Variants in HPN observed in about 807,000 individuals in gnomAD.
HPN encodes hepsin.
In HPN, 13 loss-of-function variants were observed where a neutral mutation model predicts 55.9. That is an observed-to-expected ratio of 0.23 (90% CI 0.15 to 0.37). The LOEUF is 0.37. Among genes scored for constraint, HPN ranks in the 10% least tolerant of loss-of-function variants. The probability of loss-of-function intolerance (pLI) is 1.00; values close to 1 mark genes in which losing one functional copy is unlikely to be tolerated. For synonymous variants in HPN, 225 were observed against 240.3 expected, an observed-to-expected ratio of 0.94 and a Z score of 0.59; for missense variants, 451 against 575.8, an observed-to-expected ratio of 0.78 and a Z score of 2.22.
Position 35,065,302 on chromosome 19 carries a change from C to G in HPN, c.864C>G (p.Gly288=), listed in dbSNP as rs563960365. The change falls in exon 10 of 13, where the codon GGC becomes GGG. Residue 288 remains glycine (G), a synonymous_variant. Coordinates refer to ENST00000672452, the MANE Select transcript of HPN (RefSeq NM_001384133.1). ...CTGCCGGCCAGGCCCTGGTGGATGG[C>G]AAGATCTGTACCGTGACGGGCTGGG... ...LPAAGQALVD[G]KICTVTGWGN... is the part of the protein sequence containing the mutation. The G allele has an allele frequency of 2.5e-6, 4 of 1,613,896 alleles. No homozygotes were observed. The African/African-American group carries it at 5.3e-5, about 22-fold the overall frequency.
At chr19:35,052,091 A>T (rs2064411192) in intron 4 of HPN, among the ~76,000 whole-genome samples, 1 of 152,004 alleles carries the variant, frequency 6.6e-6, no homozygotes, top group Non-Finnish European at 1.5e-5. Flanking sequence ...TCTAGCTCAC[A>T]CCCAGAGGCA....
chr19:35,041,677 T>TGCCCC, upstream of HPN: 1 of 706,586 alleles, frequency 1.4e-6, no homozygotes, highest in Non-Finnish European at 1.7e-6. Flanking sequence ...GTCCGGCCCC[T>TGCCCC]CCCCGCCCCT....
At chr19:35,061,026 A>G (rs1309440038) in intron 9 of HPN, among the ~76,000 whole-genome samples, 2 of 152,216 alleles carry the variant, frequency 1.3e-5, no homozygotes, top group East Asian at 1.9e-4. Flanking sequence ...AGAAGTATAC[A>G]TAAAGTTACC....
rs541964739 is a variant in HPN at position 35,060,434 on chromosome 19, G to A, written c.542G>A (p.Arg181His). The change falls in exon 8 of 13, where the codon CGC becomes CAC. Residue 181 changes from arginine to histidine, a missense_variant. Physicochemically the swap from Arg to His is conservative, Grantham distance 29 (BLOSUM62 0). Transcript: ENST00000672452. ...CGGTGGCCGTGGCAAGTCAGCCTTC[G>A]CTATGATGGAGCACACCTCTGTGGG... ...LGRWPWQVSL[R>H]YDGAHLCGGS... The A allele has an allele frequency of 7.4e-6, 12 of 1,613,236 alleles. No homozygotes were observed. The highest frequency in any genetic ancestry group is 3.3e-5 in the South Asian group (3 of 91,086).
In HPN at chr19:35,066,313, C is replaced by A. The variant is rs1335884442; in HGVS notation, c.*26C>A. 5.6e-6 allele frequency: 9 copies of A among 1,601,632 alleles called. No homozygotes were observed. The highest frequency in any genetic ancestry group is 7.7e-6 in the Non-Finnish European group (9 of 1,174,928). The stretch of plus-strand genomic sequence containing the variant: ...CCGGTGGCTTCTCGCTGCGCAGCCT[C>A]CAGGGCCCGAGGTGATCCCGGTGGT... On this transcript the variant is annotated 3_prime_UTR_variant, in exon 13 of 13. Coordinates refer to ENST00000672452, the MANE Select transcript of HPN (RefSeq NM_001384133.1).
In HPN at chr19:35,063,903, T is replaced by C. The variant is rs374250307; in HGVS notation, c.812-1347T>C. Among the ~76,000 whole-genome samples, 5 of 152,310 alleles carry C rather than the reference T, an allele frequency of 3.3e-5. No individual in the cohort carries two copies. The East Asian group carries it at 5.8e-4, about 18-fold the overall frequency. Reference sequence around the variant, plus strand: ...TCTGTAAAATGACTTCCTAGGGTTATTGAGACAATTAAAAGGGTTAATATG... The same window carrying C: ...TCTGTAAAATGACTTCCTAGGGTTACTGAGACAATTAAAAGGGTTAATATG... On this transcript the variant is annotated intron_variant, in intron 9 of 12. Coordinates refer to ENST00000672452, the MANE Select transcript of HPN (RefSeq NM_001384133.1).
At chr19:35,052,134 TG>T (rs2064411608) in intron 4 of HPN, among the ~76,000 whole-genome samples, 1 of 152,216 alleles carries the variant, frequency 6.6e-6, no homozygotes, top group Non-Finnish European at 1.5e-5. Flanking sequence ...TTCTGAGCTG[TG>T]GGGCCTCCCA....
intron 4 of HPN, among the ~76,000 whole-genome samples, chr19:35,053,345 T>C (rs2064422962): frequency 6.6e-6 from 1 of 152,310 alleles, no homozygotes; most frequent in Admixed American, 6.5e-5. Context: ...CCCCTCTTCC[T>C]GCCCCAGCTG....
chr19:35,041,690 A>AAC (rs2064295081), upstream of HPN: 18 of 773,396 alleles, frequency 2.3e-5, no homozygotes, highest in Non-Finnish European at 2.4e-5. Flanking sequence ...CCGCCCCTTC[A>AAC]CCCGCCCCTC....
At chr19:35,065,492 G>C (rs765211370) in intron 10 of HPN, 47 bp from the exon 11 acceptor site, 3 of 1,604,362 alleles carry the variant, frequency 1.9e-6, no homozygotes, top group South Asian at 2.2e-5. Context: ...GGGAAGGGGG[G>C]TGTGTACACC....
intron 9 of HPN, among the ~76,000 whole-genome samples, chr19:35,064,192 A>G (rs2151769692): frequency 6.6e-6 from 1 of 152,132 alleles, no homozygotes; most frequent in Middle Eastern, 3.4e-3. Context: ...GCTGCCAGGA[A>G]CCCTTGCATA....
intron 4 of HPN, among the ~76,000 whole-genome samples, chr19:35,056,287 A>G (rs967475855): frequency 6.6e-6 from 1 of 151,918 alleles, no homozygotes; most frequent in Admixed American, 6.6e-5. Context: ...CACATAATAT[A>G]TCCTACTTAT....
chr19:35,063,785 T>C (rs1265210442), intron 9 of HPN, among the ~76,000 whole-genome samples: 1 of 152,032 alleles, frequency 6.6e-6, no homozygotes, highest in Non-Finnish European at 1.5e-5. Flanking sequence ...GCTGAGGGGG[T>C]CACAGCATGG....
intron 2 of HPN, among the ~76,000 whole-genome samples, chr19:35,044,526 G>T (rs1568354826): frequency 6.6e-6 from 1 of 152,282 alleles, no homozygotes; most frequent in East Asian, 1.9e-4. Context: ...GCAGTACCAG[G>T]TCTCTCCACA....
Position 35,066,023 on chromosome 19 carries a change from G to C in HPN, c.1206G>C (p.Gln402His). The C allele has an allele frequency of 6.2e-7, 1 of 1,610,844 alleles. No individual in the cohort carries two copies. Among genetic ancestry groups the C allele is most frequent in the Non-Finnish European group, 8.5e-7 (1 of 1,180,020 alleles). Residue 402 changes from glutamine to histidine, a missense_variant, in exon 12 of 13, where the codon CAG (glutamine) becomes CAC (histidine). Gln to His is a conservative substitution (Grantham distance 24). Around this residue, in one of 2 missense-constraint regions of HPN, gnomAD observed 73 missense variants for 130.3 expected, o/e 0.56. Coordinates refer to ENST00000672452, the MANE Select transcript of HPN (RefSeq NM_001384133.1). Reference sequence around the variant, plus strand: ...GTGACTTCCGGGAGTGGATCTTCCAGGCCATAAAGGTGAAAGTTGGGTCCA... The same window carrying C: ...GTGACTTCCGGGAGTGGATCTTCCACGCCATAAAGGTGAAAGTTGGGTCCA... Reference protein sequence around the residue: ...KVSDFREWIFQAIKTHSEASG... With the variant: ...KVSDFREWIFHAIKTHSEASG...
intron 2 of HPN, 70 bp from the exon 3 acceptor site, chr19:35,049,220 G>A (rs2064377231): frequency 2.6e-6 from 3 of 1,153,956 alleles, no homozygotes; most frequent in Admixed American, 2.7e-5. Flanking sequence ...GGGCAGAGCT[G>A]GCCTCGGGCC....
chr19:35,065,472 G>C, intron 10 of HPN, 67 bp from the exon 11 acceptor site: 1 of 1,585,736 alleles, frequency 6.3e-7, no homozygotes, highest in Non-Finnish European at 8.6e-7. Flanking sequence ...GAATGGGGTG[G>C]GCACCAGGAG....
chr19:35,060,458 G>A lies in HPN; in HGVS notation c.566G>A (p.Gly189Glu). 1 of 1,613,430 alleles carries A rather than the reference G, an allele frequency of 6.2e-7. No homozygotes were observed. The highest frequency in any genetic ancestry group is 8.5e-7 in the Non-Finnish European group (1 of 1,180,004). ...SLRYDGAHLC[G>E]GSLLSGDWVL... The stretch of plus-strand genomic sequence containing the variant: ...CGCTATGATGGAGCACACCTCTGTG[G>A]GGGATCCCTGCTCTCCGGGGACTGG... The change falls in exon 8 of 13, where the codon GGG (glycine) becomes GAG (glutamate). Residue 189 changes from glycine (G) to glutamate (E), a missense_variant. Coordinates refer to ENST00000672452, the MANE Select transcript of HPN (RefSeq NM_001384133.1).
chr19:35,049,835 A>G (rs2064384706), intron 4 of HPN, among the ~76,000 whole-genome samples: 1 of 150,288 alleles, frequency 6.7e-6, no homozygotes, highest in Non-Finnish European at 1.5e-5. Context: ...TCTCTCAGTA[A>G]GTAAAGGTTA....
Sources: gnomAD v4.1 joint callset for allele counts (sites outside exome capture counted in the v4.1 genomes callset) on GRCh38, gnomAD v4.1.1 for gene constraint, gnomAD v4.1.1 regional missense constraint, MANE v1.5 for transcripts, NCBI Gene and HGNC (gene_info 2026-07-23, HGNC 2026-07-21) for gene names.